FSTL4: variants seen among roughly 807,000 people sequenced by gnomAD.
The protein encoded by FSTL4 is follistatin like 4, also known as follistatin-related protein 4.
In FSTL4, 28 loss-of-function variants were observed where a neutral mutation model predicts 78.2. The observed-to-expected ratio is 0.36, with a 90% CI of 0.27 to 0.49. The LOEUF (loss-of-function observed/expected upper bound fraction) is 0.49, where lower values mean the gene tolerates loss of function less well. FSTL4 is among the 20% of genes least tolerant of loss of function. The pLI is 0.98. For synonymous variants in FSTL4, 422 were observed against 440.5 expected (o/e 0.96, Z 0.53); for missense variants, 922 against 1,084.9 (o/e 0.85, Z 2.11).
the FSTL4 span, among the ~76,000 whole-genome samples, chr5:133,814,041 G>C: frequency 6.6e-6 from 1 of 152,320 alleles, no homozygotes; most frequent in African/African-American, 2.4e-5. Flanking sequence ...CTAAACACCA[G>C]GCAACGGGGG....
Position 133,249,486 on chromosome 5 carries a change from T to G in FSTL4, c.818A>C (p.His273Pro), listed in dbSNP as rs140101169. Residue 273 changes from histidine (H) to proline (P), a missense_variant, in exon 7 of 16, where the codon CAT becomes CCT. His to Pro is a moderately conservative substitution (Grantham distance 77). Transcript: ENST00000265342. Reference sequence around the variant, plus strand: ...GATGATTGGTGGCCTCAGGTCTCCATGGACGGCGCAGGTCAGCACTGTGCT... The same window carrying G: ...GATGATTGGTGGCCTCAGGTCTCCAGGGACGGCGCAGGTCAGCACTGTGCT... ...GLSTVLTCAVHGDLRPPIIWK... is the reference protein window; with the variant it reads ...GLSTVLTCAVPGDLRPPIIWK... 151 of 1,613,628 alleles carry G rather than the reference T, an allele frequency of 9.4e-5. No individual in the cohort carries two copies. The African/African-American group carries it at 1.8e-3, about 20-fold the overall frequency.
intron 7 of FSTL4, among the ~76,000 whole-genome samples, chr5:133,233,848 G>C (rs1373701035): frequency 1.3e-5 from 2 of 152,154 alleles, no homozygotes; most frequent in African/African-American, 4.8e-5. Flanking sequence ...AGGCCCACGT[G>C]TCCCCCCATT....
chr5:133,406,147 T>C (rs907763052), intron 3 of FSTL4, among the ~76,000 whole-genome samples: 4 of 152,184 alleles, frequency 2.6e-5, no homozygotes, highest in African/African-American at 9.7e-5. Flanking sequence ...GGGAAGCCTC[T>C]TTGAGGAGGT....
In FSTL4 at chr5:133,545,449, C is replaced by T. The variant is rs188368505; in HGVS notation, c.160+21737G>A. Among the ~76,000 whole-genome samples, 401 of 152,292 alleles carry T rather than the reference C, an allele frequency of 2.6e-3. 1 individual carries two copies. The highest frequency in any genetic ancestry group is 9.1e-3 in the African/African-American group (379 of 41,570). ...TCCCCTTTTCACACCCACCCACTTC[C>T]CTACTATATTATGTCATGATGCAGC... On this transcript the variant is annotated intron_variant, in intron 3 of 15. Transcript: ENST00000265342.
chr5:133,327,325 T>C lies in FSTL4; in HGVS notation c.410-10673A>G, dbSNP rs1326288246. Reference sequence around the variant, plus strand: ...TTCTAGAAGGGTAGCAAGTATGGGGTGAGGCCCGGAAAGCTGCATTTTAAG... The same window carrying C: ...TTCTAGAAGGGTAGCAAGTATGGGGCGAGGCCCGGAAAGCTGCATTTTAAG... On this transcript the variant is annotated intron_variant, in intron 4 of 15. Coordinates refer to ENST00000265342, the MANE Select transcript of FSTL4 (RefSeq NM_015082.2). 2.0e-5 allele frequency among the ~76,000 whole-genome samples: 3 copies of C among 152,114 alleles called. No homozygotes were observed. The East Asian group carries it at 5.8e-4, about 29-fold the overall frequency.
chr5:133,305,824 G>A (rs565107548), intron 6 of FSTL4, among the ~76,000 whole-genome samples: 4 of 152,148 alleles, frequency 2.6e-5, no homozygotes, highest in African/African-American at 9.7e-5. Flanking sequence ...CCCTGGTCAG[G>A]TTCCTCTGAA....
intron 4 of FSTL4, among the ~76,000 whole-genome samples, chr5:133,325,196 G>A (rs1754175683): frequency 6.6e-6 from 1 of 152,210 alleles, no homozygotes; most frequent in African/African-American, 2.4e-5. Context: ...CCCAGGTAAG[G>A]AGGCCTGTGG....
chr5:133,731,183 G>A, the FSTL4 span, among the ~76,000 whole-genome samples: 1 of 152,170 alleles, frequency 6.6e-6, no homozygotes, highest in Non-Finnish European at 1.5e-5. Context: ...AGCTCTCTCG[G>A]GGAGGTTGTG....
At chr5:133,232,710 T>G (rs1238207462) in intron 8 of FSTL4, among the ~76,000 whole-genome samples, 1 of 152,192 alleles carries the variant, frequency 6.6e-6, no homozygotes. Flanking sequence ...CAAGTGACCT[T>G]TTTTAGCAAA....
At chr5:133,572,659 CACA>C (rs1280496866) in intron 2 of FSTL4, among the ~76,000 whole-genome samples, 1 of 151,834 alleles carries the variant, frequency 6.6e-6, no homozygotes, top group Non-Finnish European at 1.5e-5. Context: ...GGCTACTTAA[CACA>C]ACAATAATGC....
the FSTL4 span, among the ~76,000 whole-genome samples, chr5:133,683,476 G>GA: frequency 2.0e-5 from 3 of 151,952 alleles, no homozygotes; most frequent in Admixed American, 6.6e-5. Context: ...TTTTAATTGA[G>GA]AAAAAAATCC....
At chr5:133,728,848 G>T in the FSTL4 span, among the ~76,000 whole-genome samples, 2 of 151,940 alleles carry the variant, frequency 1.3e-5, no homozygotes, top group Non-Finnish European at 2.9e-5. Context: ...AAAAAGAAAA[G>T]AGAAAAAGAA....
chr5:133,341,804 C>T (rs1292420244), intron 4 of FSTL4, among the ~76,000 whole-genome samples: 1 of 152,184 alleles, frequency 6.6e-6, no homozygotes, highest in Non-Finnish European at 1.5e-5. Context: ...CTTACCCTCT[C>T]TGAACCTTAA....
the FSTL4 span, among the ~76,000 whole-genome samples, chr5:133,771,696 C>A: frequency 3.8e-4 from 58 of 152,126 alleles, 1 homozygote; most frequent in African/African-American, 1.3e-3. Flanking sequence ...GATAATTTGA[C>A]TTCCTCTTTT....
At chr5:133,309,211 G>A (rs1001458522) in intron 6 of FSTL4, among the ~76,000 whole-genome samples, 1 of 152,072 alleles carries the variant, frequency 6.6e-6, no homozygotes, top group African/African-American at 2.4e-5. Flanking sequence ...GCAGGGACAG[G>A]TGGCACTACT....
intron 3 of FSTL4, among the ~76,000 whole-genome samples, chr5:133,434,085 C>T (rs1181275730): frequency 2.0e-5 from 3 of 151,756 alleles, no homozygotes; most frequent in Non-Finnish European, 4.4e-5. Flanking sequence ...TGGTCTGCAA[C>T]GGGGCAAAAG....
At chr5:133,608,855 T>C (rs1761028686) in intron 1 of FSTL4, among the ~76,000 whole-genome samples, 1 of 152,042 alleles carries the variant, frequency 6.6e-6, no homozygotes, top group Non-Finnish European at 1.5e-5. Context: ...CATATGAAAA[T>C]ACCAAAATCT....
chr5:133,539,925 ATT>A (rs1759432513), intron 3 of FSTL4, among the ~76,000 whole-genome samples: 1 of 149,200 alleles, frequency 6.7e-6, no homozygotes, highest in Non-Finnish European at 1.5e-5. Context: ...TTCATCAAAC[ATT>A]TTACTGGATG....
At chr5:133,787,148 T>C in the FSTL4 span, among the ~76,000 whole-genome samples, 19 of 152,200 alleles carry the variant, frequency 1.2e-4, no homozygotes, top group Non-Finnish European at 2.1e-4. Context: ...AGTTGCCAGA[T>C]TTCATTAAAA....
Sources: gnomAD v4.1 joint callset for allele counts (sites outside exome capture counted in the v4.1 genomes callset) on GRCh38, gnomAD v4.1.1 for gene constraint, MANE v1.5 for transcripts, NCBI Gene and HGNC (gene_info 2026-07-23, HGNC 2026-07-21) for gene names.